INTS15: variants seen among roughly 807,000 people sequenced by gnomAD.
INTS15 encodes the protein uncharacterized protein C7orf26.
the INTS15 span, chr7:6,602,888 C>T: frequency 2.6e-6 from 1 of 379,212 alleles, no homozygotes; most frequent in Non-Finnish European, 5.4e-6. Context: ...ACCATGGGAC[C>T]TGCCTCATGT....
the INTS15 span, among the ~76,000 whole-genome samples, chr7:6,592,952 AAC>A: frequency 1.3e-5 from 2 of 152,162 alleles, no homozygotes; most frequent in East Asian, 3.8e-4. Flanking sequence ...TACTGCTGTA[AAC>A]ACACATTTTC....
At chr7:6,602,038 C>T in the INTS15 span, 3 of 1,411,154 alleles carry the variant, frequency 2.1e-6, no homozygotes, top group Non-Finnish European at 3.0e-6. Flanking sequence ...CAAAGAACGT[C>T]AGTGTGTATT....
chr7:6,606,211 A>C, the INTS15 span, among the ~76,000 whole-genome samples: 1 of 152,220 alleles, frequency 6.6e-6, no homozygotes, highest in Non-Finnish European at 1.5e-5. Context: ...TAGTAGTAAC[A>C]GAAAGAAAGG....
the INTS15 span, chr7:6,602,732 C>T: frequency 1.9e-5 from 9 of 471,040 alleles, no homozygotes; most frequent in African/African-American, 8.0e-5. Flanking sequence ...ACGTGGAGAC[C>T]TCCACAAACG....
chr7:6,605,525 G>A, the INTS15 span, among the ~76,000 whole-genome samples: 1 of 152,108 alleles, frequency 6.6e-6, no homozygotes, highest in African/African-American at 2.4e-5. Context: ...GAGCCCCCCA[G>A]AACTAATCAG....
the INTS15 span, chr7:6,602,887 C>T: frequency 2.6e-6 from 1 of 380,106 alleles, no homozygotes; most frequent in Non-Finnish European, 5.4e-6. Context: ...AACCATGGGA[C>T]CTGCCTCATG....
the INTS15 span, among the ~76,000 whole-genome samples, chr7:6,590,659 C>T: frequency 1.3e-5 from 2 of 152,208 alleles, no homozygotes; most frequent in African/African-American, 4.8e-5. Flanking sequence ...GCTCAGCTGC[C>T]TGTCCAGTCT....
At chr7:6,607,613 T>A in the INTS15 span, 1 of 1,415,824 alleles carries the variant, frequency 7.1e-7, no homozygotes, top group Non-Finnish European at 9.4e-7. This position sits in a 1 kb window ranked among gnomAD's most constrained non-coding sequence, Gnocchi z 6.0. Flanking sequence ...GCGCGGTCAT[T>A]CTCGGCTCTG....
At chr7:6,599,459 CAG>C in the INTS15 span, among the ~76,000 whole-genome samples, 4 of 152,166 alleles carry the variant, frequency 2.6e-5, no homozygotes, top group African/African-American at 7.2e-5. Flanking sequence ...GACACGTACT[CAG>C]GGAAGGGGTG....
chr7:6,607,900 G>A, the INTS15 span: 3,276 of 1,587,300 alleles, frequency 2.1e-3, 5 homozygotes, highest in Non-Finnish European at 2.5e-3. The surrounding 1 kb of genome is among the most constrained non-coding windows in gnomAD (Gnocchi z 6.0). Context: ...TCAGCCTACC[G>A]TGCGCACCTG....
chr7:6,602,626 G>C, the INTS15 span: 1 of 466,118 alleles, frequency 2.1e-6, no homozygotes, highest in South Asian at 1.6e-5. Context: ...AGCTTACCCC[G>C]TTGTAAAATG....
At chr7:6,603,810 G>T in the INTS15 span, among the ~76,000 whole-genome samples, 1,561 of 152,110 alleles carry the variant, frequency 0.01, 27 homozygotes, top group African/African-American at 0.035. Flanking sequence ...TTGCGTTCCA[G>T]CCTGGGCAAT....
the INTS15 span, among the ~76,000 whole-genome samples, chr7:6,595,887 T>A: frequency 6.6e-6 from 1 of 152,084 alleles, no homozygotes; most frequent in East Asian, 1.9e-4. Flanking sequence ...TGATTCCTCC[T>A]CCTCTGCCCT....
chr7:6,594,001 C>A, the INTS15 span, among the ~76,000 whole-genome samples: 3 of 68,948 alleles, frequency 4.4e-5, no homozygotes, highest in East Asian at 8.1e-4. Flanking sequence ...AAGCCTTTAA[C>A]TTTTTTTTTT....
chr7:6,598,966 T>G, the INTS15 span, among the ~76,000 whole-genome samples: 1 of 151,960 alleles, frequency 6.6e-6, no homozygotes, highest in Non-Finnish European at 1.5e-5. Context: ...TTTAAGAATT[T>G]TTGTAGAGAC....
the INTS15 span, among the ~76,000 whole-genome samples, chr7:6,590,907 C>G: frequency 6.6e-6 from 1 of 151,452 alleles, no homozygotes; most frequent in East Asian, 1.9e-4. Context: ...GGTGCAATCA[C>G]AGCTCACTAC....
the INTS15 span, chr7:6,600,126 G>T: frequency 6.2e-7 from 1 of 1,614,190 alleles, no homozygotes; most frequent in Non-Finnish European, 8.5e-7. Context: ...CTCCACCTCA[G>T]CGTCCTGCAA....
At chr7:6,604,910 G>GA in the INTS15 span, among the ~76,000 whole-genome samples, 560 of 152,300 alleles carry the variant, frequency 3.7e-3, 16 homozygotes, top group Admixed American at 0.034. Context: ...GAGGTGTCAT[G>GA]ACAGCAGCAC....
At chr7:6,600,145 G>A in the INTS15 span, 1 of 1,614,208 alleles carries the variant, frequency 6.2e-7, no homozygotes, top group Admixed American at 1.7e-5. Context: ...AAGTGCTCAT[G>A]ACGCTGCAGC....
Sources: allele counts gnomAD v4.1 joint callset (sites outside exome capture counted in the v4.1 genomes callset), GRCh38; gene constraint gnomAD v4.1.1; non-coding constraint Gnocchi (gnomAD v3.1); transcripts MANE v1.5; gene names NCBI Gene and HGNC (gene_info 2026-07-23, HGNC 2026-07-21).